Variants in CSMD1 observed in about 807,000 individuals in gnomAD.
The protein encoded by CSMD1 is CUB and Sushi multiple domains 1, also known as CUB and sushi domain-containing protein 1.
CSMD1 carries 213 observed loss-of-function variants against 417.5 expected under a neutral mutation model. That is an observed-to-expected ratio of 0.51 (90% CI 0.46 to 0.57). CSMD1 has a LOEUF of 0.57. Ranked by LOEUF, CSMD1 falls within the 20% of genes least tolerant of loss-of-function variation. The pLI is 0.00. For missense variants in CSMD1, 6,923 were observed against 4,529.7 expected, an observed-to-expected ratio of 1.53 and a Z score of -15.17; for synonymous variants, 2,862 against 1,736.8, an observed-to-expected ratio of 1.65 and a Z score of -16.11.
intron 10 of CSMD1, among the ~76,000 whole-genome samples, chr8:3,501,496 C>T (rs1489748248): frequency 6.6e-6 from 1 of 152,062 alleles, no homozygotes; most frequent in Non-Finnish European, 1.5e-5. Context: ...TAAATCAGTA[C>T]CAAGACCCTA....
chr8:4,886,988 A>T (rs898125869), intron 1 of CSMD1, among the ~76,000 whole-genome samples: 4 of 151,648 alleles, frequency 2.6e-5, no homozygotes, highest in Non-Finnish European at 5.9e-5. Context: ...TTTCTGCTCA[A>T]CTCTTATATA....
intron 5 of CSMD1, among the ~76,000 whole-genome samples, chr8:3,820,720 C>T (rs761045468): frequency 6.6e-6 from 1 of 152,100 alleles, no homozygotes; most frequent in Non-Finnish European, 1.5e-5. Flanking sequence ...GGACTACAGG[C>T]ATGCGCCACC....
At chr8:4,255,942 G>A (rs990723908) in intron 3 of CSMD1, among the ~76,000 whole-genome samples, 1 of 152,142 alleles carries the variant, frequency 6.6e-6, no homozygotes, top group Non-Finnish European at 1.5e-5. Context: ...TCTCCCCACA[G>A]CCTAACGTGG....
At chr8:3,210,553 A>G (rs1464681977) in intron 30 of CSMD1, among the ~76,000 whole-genome samples, 2 of 62,924 alleles carry the variant, frequency 3.2e-5, no homozygotes, top group Non-Finnish European at 6.6e-5. Context: ...ATACGTGTGT[A>G]TATATGTATA....
Position 3,240,556 on chromosome 8 carries a change from A to C in CSMD1, c.4154-10325T>G, listed in dbSNP as rs1428220903. 4.6e-5 allele frequency among the ~76,000 whole-genome samples: 7 copies of C among 151,836 alleles called. No individual in the cohort carries two copies. The East Asian group carries it at 1.2e-3, about 25-fold the overall frequency. ...TGAGGAAGAAATTTGGGCTTGACTGAAATAATGGGGGCTGTCTGTGAAGCT... is the reference window on the plus strand; with the variant it reads ...TGAGGAAGAAATTTGGGCTTGACTGCAATAATGGGGGCTGTCTGTGAAGCT... On this transcript the variant is annotated intron_variant, in intron 26 of 69. Transcript: ENST00000635120.
At chr8:4,834,499 G>C (rs1157039081) in intron 1 of CSMD1, among the ~76,000 whole-genome samples, 1 of 152,182 alleles carries the variant, frequency 6.6e-6, no homozygotes, top group Non-Finnish European at 1.5e-5. Flanking sequence ...TTCGAGCTGA[G>C]TTGTAAGGGA....
chr8:4,659,727 T>A (rs1479193631), intron 1 of CSMD1, among the ~76,000 whole-genome samples: 1 of 152,128 alleles, frequency 6.6e-6, no homozygotes, highest in African/African-American at 2.4e-5. Context: ...AGGTGGTAGT[T>A]ATACAACATT....
At chr8:3,744,618 G>C (rs1179818845) in intron 6 of CSMD1, among the ~76,000 whole-genome samples, 1 of 152,208 alleles carries the variant, frequency 6.6e-6, no homozygotes, top group Non-Finnish European at 1.5e-5. Flanking sequence ...AACATGTGCA[G>C]TGTACATTGT....
chr8:4,071,539 T>A (rs1290823961), intron 3 of CSMD1, among the ~76,000 whole-genome samples: 1 of 152,190 alleles, frequency 6.6e-6, no homozygotes, highest in Non-Finnish European at 1.5e-5. Flanking sequence ...TAATAACAGC[T>A]GCATTAAAAT....
At chr8:4,228,584 C>T (rs1325743837) in intron 3 of CSMD1, among the ~76,000 whole-genome samples, 1 of 130,454 alleles carries the variant, frequency 7.7e-6, no homozygotes, top group Non-Finnish European at 1.7e-5. Context: ...TCTTCTCTGT[C>T]AGATCTTTTT....
At chr8:3,070,453 T>C (rs1029260328) in intron 49 of CSMD1, among the ~76,000 whole-genome samples, 1 of 152,184 alleles carries the variant, frequency 6.6e-6, no homozygotes. Flanking sequence ...CCAGGCCACA[T>C]CTTGAATGTT....
chr8:3,508,100 G>C (rs554678932), intron 10 of CSMD1, among the ~76,000 whole-genome samples: 2 of 152,054 alleles, frequency 1.3e-5, no homozygotes, highest in Non-Finnish European at 2.9e-5. Context: ...TGTCCTGAAT[G>C]GTATTGCCTA....
intron 3 of CSMD1, among the ~76,000 whole-genome samples, chr8:4,095,512 T>C (rs981173447): frequency 6.6e-6 from 1 of 152,352 alleles, no homozygotes; most frequent in South Asian, 2.1e-4. Context: ...GTGGAAAGAA[T>C]GTCCCCACTA....
In CSMD1 at chr8:3,218,573, A is replaced by T. The variant is rs569076145; in HGVS notation, c.4672+682T>A. Among the ~76,000 whole-genome samples, 13 of 149,104 alleles carry T rather than the reference A, an allele frequency of 8.7e-5. 1 individual carries two copies. The highest frequency in any genetic ancestry group is 2.0e-4 in the Admixed American group (3 of 14,854). On this transcript the variant is annotated intron_variant, in intron 29 of 69. Transcript: ENST00000635120. The stretch of plus-strand genomic sequence containing the variant: ...AAGACTCCATCTCAAAAATAAAAAA[A>T]AAAAGAAATTATTTTTGGCTGGGCA...
intron 23 of CSMD1, among the ~76,000 whole-genome samples, chr8:3,322,980 G>C (rs1308632857): frequency 6.6e-6 from 1 of 152,044 alleles, no homozygotes; most frequent in Non-Finnish European, 1.5e-5. Context: ...TGACACTGAA[G>C]CCTTCCTCAT....
chr8:4,649,709 G>C (rs1386275868), intron 1 of CSMD1, among the ~76,000 whole-genome samples: 1 of 152,202 alleles, frequency 6.6e-6, no homozygotes, highest in African/African-American at 2.4e-5. Context: ...AAACGTTTTT[G>C]TGTATCTGAG....
At chr8:3,847,650 C>T (rs1803600740) in intron 5 of CSMD1, among the ~76,000 whole-genome samples, 1 of 152,110 alleles carries the variant, frequency 6.6e-6, no homozygotes, top group African/African-American at 2.4e-5. Flanking sequence ...GATGCACTGC[C>T]TTCAGCTGCT....
At chr8:4,444,133 G>A (rs1227457555) in intron 2 of CSMD1, among the ~76,000 whole-genome samples, 1 of 151,898 alleles carries the variant, frequency 6.6e-6, no homozygotes, top group Non-Finnish European at 1.5e-5. Flanking sequence ...CTTCAGGTCA[G>A]AAATTTGAGA....
chr8:4,443,861 C>T (rs1353013891), intron 2 of CSMD1, among the ~76,000 whole-genome samples: 1 of 152,162 alleles, frequency 6.6e-6, no homozygotes, highest in African/African-American at 2.4e-5. Flanking sequence ...ACAAAGTTGA[C>T]ATGTGAAAAC....
Sources: allele counts gnomAD v4.1 joint callset (sites outside exome capture counted in the v4.1 genomes callset), GRCh38; gene constraint gnomAD v4.1.1; transcripts MANE v1.5; gene names NCBI Gene and HGNC (gene_info 2026-07-23, HGNC 2026-07-21).